The following SNX29 variants were observed in gnomAD, a reference collection of about 807,000 sequenced individuals.
SNX29 encodes sorting nexin 29, also known as sorting nexin-29.
In SNX29, 78 loss-of-function variants were observed where a neutral mutation model predicts 102.1. The observed-to-expected ratio is 0.76, with a 90% confidence interval of 0.64 to 0.92. The LOEUF (loss-of-function observed/expected upper bound fraction) is 0.92. Ranked by LOEUF, SNX29 falls within the 40% of genes least tolerant of loss-of-function variation. SNX29 has a pLI of 0.00. For synonymous variants in SNX29, 580 were observed against 414.5 expected (o/e 1.40, Z -4.85); for missense variants, 1,280 against 1,061.7 (o/e 1.21, Z -2.86).
intron 20 of SNX29, among the ~76,000 whole-genome samples, chr16:12,548,357 G>A (rs769223477): frequency 4.6e-5 from 7 of 152,318 alleles, no homozygotes; most frequent in South Asian, 2.1e-4. Context: ...TGGGCACTCT[G>A]CACCCACATG....
At chr16:12,209,729 C>T (rs902901041) in intron 14 of SNX29, among the ~76,000 whole-genome samples, 2 of 152,364 alleles carry the variant, frequency 1.3e-5, no homozygotes, top group East Asian at 3.9e-4. Context: ...GCTCAGCCCT[C>T]CTCGGTCAAT....
At chr16:12,566,079 G>C (rs376943570) in intron 20 of SNX29, among the ~76,000 whole-genome samples, 5 of 152,226 alleles carry the variant, frequency 3.3e-5, no homozygotes, top group African/African-American at 1.2e-4. Flanking sequence ...CTAGGCACTT[G>C]ATCCCCATGA....
At chr16:12,118,692 G>C (rs1204203588) in intron 11 of SNX29, among the ~76,000 whole-genome samples, 1 of 152,086 alleles carries the variant, frequency 6.6e-6, no homozygotes, top group Non-Finnish European at 1.5e-5. Flanking sequence ...AGACACCCTC[G>C]ACCCTCACCT....
At chr16:12,357,220 T>A (rs151245572) in intron 16 of SNX29, among the ~76,000 whole-genome samples, 1 of 152,348 alleles carries the variant, frequency 6.6e-6, no homozygotes, top group East Asian at 1.9e-4. Flanking sequence ...GGTGAACAAT[T>A]ATCCGTCACG....
chr16:12,386,532 C>T (rs1256399153), intron 16 of SNX29, among the ~76,000 whole-genome samples: 1 of 152,206 alleles, frequency 6.6e-6, no homozygotes, highest in Non-Finnish European at 1.5e-5. Context: ...TCTCAGTCCA[C>T]TGGCCAACCA....
Position 12,573,811 on chromosome 16 carries a change from G to T in SNX29, c.*5182G>T, listed in dbSNP as rs1030311383. On this transcript the variant is annotated 3_prime_UTR_variant, in exon 21 of 21. Coordinates refer to ENST00000566228, the MANE Select transcript of SNX29 (RefSeq NM_032167.5). ...TCCCGGAGTGAAGGGGATGGGGGTA[G>T]AGCTAATTGGAATTTTTATTATCCA... 2 of 219,024 alleles carry T rather than the reference G, an allele frequency of 9.1e-6. No individual in the cohort carries two copies. The highest frequency in any genetic ancestry group is 1.8e-5 in the Non-Finnish European group (2 of 109,204). The allele number at this position is 219,024 out of a possible 1,614,324, so 13.6% of individuals were successfully genotyped here.
chr16:12,483,471 C>T (rs569548413), intron 19 of SNX29, among the ~76,000 whole-genome samples: 2 of 151,860 alleles, frequency 1.3e-5, no homozygotes. Flanking sequence ...GTGTGTGCCA[C>T]CACGCCTGGT....
chr16:12,329,714 G>T (rs931421300), intron 15 of SNX29, among the ~76,000 whole-genome samples: 5 of 152,246 alleles, frequency 3.3e-5, no homozygotes, highest in Non-Finnish European at 7.3e-5. Flanking sequence ...CTGGCAACGA[G>T]TCCTCTGCTT....
At chr16:12,314,055 A>G (rs2080651866) in intron 15 of SNX29, among the ~76,000 whole-genome samples, 1 of 152,246 alleles carries the variant, frequency 6.6e-6, no homozygotes, top group Admixed American at 6.5e-5. Context: ...GTGCACTCAC[A>G]GCTCACTGCA....
intron 18 of SNX29, among the ~76,000 whole-genome samples, chr16:12,433,685 A>G (rs542579983): frequency 1.1e-4 from 16 of 148,898 alleles, no homozygotes; most frequent in South Asian, 6.5e-4. Flanking sequence ...CGTGGTGGGC[A>G]TGGTGGTGCG....
intron 16 of SNX29, among the ~76,000 whole-genome samples, chr16:12,394,069 T>G (rs1183897217): frequency 1.3e-5 from 2 of 152,232 alleles, no homozygotes; most frequent in Non-Finnish European, 2.9e-5. Flanking sequence ...ACCTGGGACT[T>G]CCTAGGGGCA....
chr16:12,461,049 A>G (rs1458522854), intron 18 of SNX29, among the ~76,000 whole-genome samples: 1 of 152,224 alleles, frequency 6.6e-6, no homozygotes, highest in Admixed American at 6.5e-5. Context: ...ACACAGTCCT[A>G]GAAGTTAGAT....
At chr16:12,058,486 TGG>T (rs1567167765) in intron 8 of SNX29, among the ~76,000 whole-genome samples, 6 of 101,092 alleles carry the variant, frequency 5.9e-5, no homozygotes, top group African/African-American at 2.2e-4. Context: ...TTTTTTTTTT[TGG>T]TTTTTGGTTT....
intron 19 of SNX29, among the ~76,000 whole-genome samples, chr16:12,501,548 G>C (rs3925614): frequency 0.15 from 22,518 of 151,678 alleles, 1,785 homozygotes; most frequent in East Asian, 0.25. Flanking sequence ...GTGAGGAAAC[G>C]TCATCTCTAC....
At chr16:12,067,916 G>C (rs1442592744) in intron 9 of SNX29, among the ~76,000 whole-genome samples, 1 of 152,196 alleles carries the variant, frequency 6.6e-6, no homozygotes, top group Non-Finnish European at 1.5e-5. Context: ...AAATTGTTCA[G>C]GTCCCTAGCC....
intron 14 of SNX29, among the ~76,000 whole-genome samples, chr16:12,275,692 C>T (rs1596721711): frequency 1.4e-5 from 2 of 139,508 alleles, no homozygotes; most frequent in Non-Finnish European, 1.6e-5. Flanking sequence ...CTCTCCAATT[C>T]TTTTTTTTTT....
chr16:12,366,920 C>G (rs1413200531), intron 16 of SNX29: 1 of 152,076 alleles, frequency 6.6e-6, no homozygotes, highest in African/African-American at 2.4e-5. Context: ...AATCCTCTCC[C>G]TCTCCCTTCC....
chr16:12,172,952 T>C (rs999019493), intron 13 of SNX29, among the ~76,000 whole-genome samples: 1 of 152,230 alleles, frequency 6.6e-6, no homozygotes, highest in Non-Finnish European at 1.5e-5. Flanking sequence ...AGGTGAAATA[T>C]GGAGATGAAT....
intron 14 of SNX29, among the ~76,000 whole-genome samples, chr16:12,200,964 AT>A (rs2076900791): frequency 6.6e-6 from 1 of 152,242 alleles, no homozygotes. Flanking sequence ...CATATAATAA[AT>A]GGTGGTGGTT....
Sources: allele counts gnomAD v4.1 joint callset (sites outside exome capture counted in the v4.1 genomes callset), GRCh38; gene constraint gnomAD v4.1.1; transcripts MANE v1.5; gene names NCBI Gene and HGNC (gene_info 2026-07-23, HGNC 2026-07-21).